CNTNAP2: variants seen among roughly 807,000 people sequenced by gnomAD.
The protein encoded by CNTNAP2 is contactin associated protein 2.
In CNTNAP2, 98 loss-of-function variants were observed where a neutral mutation model predicts 155.2. The ratio of observed to expected loss-of-function variants is 0.63; its 90% CI spans 0.54 to 0.75. CNTNAP2 has a LOEUF of 0.75. CNTNAP2 is among the 30% of genes least tolerant of loss of function. The pLI is 0.00. For synonymous variants in CNTNAP2, 651 were observed against 631.2 expected (o/e 1.03, Z -0.47); for missense variants, 1,727 against 1,688.1 (o/e 1.02, Z -0.40).
At chr7:146,930,293 T>C (rs902182858) in intron 3 of CNTNAP2, among the ~76,000 whole-genome samples, 1 of 152,062 alleles carries the variant, frequency 6.6e-6, no homozygotes, top group South Asian at 2.1e-4. Flanking sequence ...GCAACATTCA[T>C]AAAGAAAAGA....
At chr7:146,890,620 C>T (rs1484521636) in intron 3 of CNTNAP2, among the ~76,000 whole-genome samples, 2 of 152,130 alleles carry the variant, frequency 1.3e-5, no homozygotes, top group Middle Eastern at 3.2e-3. Flanking sequence ...TTTTGATGAT[C>T]ATGAGCTAAA....
chr7:147,836,260 T>C (rs1340194045), intron 13 of CNTNAP2, among the ~76,000 whole-genome samples: 1 of 152,170 alleles, frequency 6.6e-6, no homozygotes, highest in East Asian at 1.9e-4. Flanking sequence ...CCCTAAATGT[T>C]TTTTAGCCTA....
chr7:147,515,947 TATACTG>T (rs1208866901), intron 11 of CNTNAP2, among the ~76,000 whole-genome samples: 2 of 151,982 alleles, frequency 1.3e-5, no homozygotes, highest in Non-Finnish European at 2.9e-5. Flanking sequence ...TATGGTATGA[TATACTG>T]ATACTGAAAT....
intron 21 of CNTNAP2, among the ~76,000 whole-genome samples, chr7:148,300,740 T>G (rs1381609872): frequency 2.0e-5 from 3 of 152,096 alleles, no homozygotes; most frequent in Non-Finnish European, 4.4e-5. Flanking sequence ...ACCTTAACAT[T>G]GTGTTAAGGG....
chr7:147,246,338 C>T (rs1804068106), intron 8 of CNTNAP2, among the ~76,000 whole-genome samples: 1 of 152,042 alleles, frequency 6.6e-6, no homozygotes, highest in Non-Finnish European at 1.5e-5. Flanking sequence ...GAACTCTCCT[C>T]CCTCTACCCT....
chr7:148,229,172 G>A (rs973304955), intron 19 of CNTNAP2, among the ~76,000 whole-genome samples: 1 of 152,208 alleles, frequency 6.6e-6, no homozygotes. Flanking sequence ...CTCTGAGCTC[G>A]TGAATCCAAA....
At chr7:146,906,385 C>T (rs892156475) in intron 3 of CNTNAP2, among the ~76,000 whole-genome samples, 3 of 152,150 alleles carry the variant, frequency 2.0e-5, no homozygotes, top group African/African-American at 4.8e-5. Context: ...GTAACCTCTG[C>T]AGACTTAAAT....
At chr7:146,884,401 A>G (rs558700104) in intron 3 of CNTNAP2, among the ~76,000 whole-genome samples, 1 of 152,276 alleles carries the variant, frequency 6.6e-6, no homozygotes, top group African/African-American at 2.4e-5. Context: ...GCAATGGAAT[A>G]GTGGAAAGAG....
At chr7:146,151,657 T>A (rs1473688412) in intron 1 of CNTNAP2, among the ~76,000 whole-genome samples, 4 of 35,390 alleles carry the variant, frequency 1.1e-4, no homozygotes, top group African/African-American at 4.6e-4. Context: ...TATATATATA[T>A]ATATATATAT....
chr7:146,731,722 A>G (rs1441090148), intron 1 of CNTNAP2, among the ~76,000 whole-genome samples: 1 of 152,144 alleles, frequency 6.6e-6, no homozygotes, highest in African/African-American at 2.4e-5. Context: ...TAACGTATAA[A>G]ATTATTTGTG....
chr7:146,354,254 T>A (rs1164692370), intron 1 of CNTNAP2, among the ~76,000 whole-genome samples: 1 of 152,188 alleles, frequency 6.6e-6, no homozygotes, highest in Non-Finnish European at 1.5e-5. Flanking sequence ...ACAGACATCC[T>A]GTTGCGTGGT....
At chr7:147,695,653 A>T (rs1193594707) in intron 13 of CNTNAP2, among the ~76,000 whole-genome samples, 1 of 152,020 alleles carries the variant, frequency 6.6e-6, no homozygotes, top group African/African-American at 2.4e-5. Flanking sequence ...AATACAAAAA[A>T]TAGCTAGGCT....
chr7:148,152,041 G>C (rs1805306369), intron 17 of CNTNAP2, among the ~76,000 whole-genome samples: 1 of 152,140 alleles, frequency 6.6e-6, no homozygotes, highest in Non-Finnish European at 1.5e-5. Flanking sequence ...ACTGCAAATA[G>C]TTCTTGGCTT....
chr7:146,141,285 C>A (rs1207802808), intron 1 of CNTNAP2, among the ~76,000 whole-genome samples: 2 of 152,128 alleles, frequency 1.3e-5, no homozygotes, highest in African/African-American at 4.8e-5. Context: ...ATTATGTCTT[C>A]TAATGTGGTG....
In CNTNAP2 at chr7:148,413,402, ATATATATATATATATAT is replaced by A. The variant is rs1266836148; in HGVS notation, c.3797-2014_3797-1998del. Among the ~76,000 whole-genome samples, 7 of 39,480 alleles carry A rather than the reference ATATATATATATATATAT, an allele frequency of 1.8e-4. 1 individual carries two copies. The highest frequency in any genetic ancestry group is 2.3e-4 in the Non-Finnish European group (5 of 21,516). 25.9% of individuals were successfully genotyped at this position (39,480 alleles called of 152,430 possible). A position where few individuals can be genotyped will look rare whatever the true frequency, so the allele number is the denominator to read the frequency against. ...AGTGAAACTCCGTCTCAAAAAAAAA[ATATATATATATATATAT>A]ATATATATATATATATATATATATA... is the stretch of plus-strand genomic sequence containing the variant. On this transcript the variant is annotated intron_variant, in intron 23 of 23. Coordinates refer to ENST00000361727, the MANE Select transcript of CNTNAP2 (RefSeq NM_014141.6).
At chr7:148,333,188 G>A (rs1407863868) in intron 21 of CNTNAP2, among the ~76,000 whole-genome samples, 1 of 152,146 alleles carries the variant, frequency 6.6e-6, no homozygotes, top group South Asian at 2.1e-4. Context: ...AACACTTTGG[G>A]AGGACAAGGT....
chr7:147,022,153 G>A (rs1798828805), intron 3 of CNTNAP2, among the ~76,000 whole-genome samples: 1 of 151,992 alleles, frequency 6.6e-6, no homozygotes, highest in African/African-American at 2.4e-5. Flanking sequence ...GTATCTCATA[G>A]AAACACTGAT....
intron 21 of CNTNAP2, among the ~76,000 whole-genome samples, chr7:148,346,139 T>TCCTGGGGTC (rs560528579): frequency 2.6e-5 from 4 of 152,152 alleles, no homozygotes; most frequent in Non-Finnish European, 4.4e-5. Flanking sequence ...CGTGCTCTGA[T>TCCTGGGGTC]CCTGGGGTCC....
At chr7:146,375,314 A>T (rs1324911659) in intron 1 of CNTNAP2, among the ~76,000 whole-genome samples, 1 of 152,222 alleles carries the variant, frequency 6.6e-6, no homozygotes, top group Non-Finnish European at 1.5e-5. Context: ...CTCCAGCCAG[A>T]ATAAACCTCT....
Sources: gnomAD v4.1 joint callset for allele counts (sites outside exome capture counted in the v4.1 genomes callset) on GRCh38, gnomAD v4.1.1 for gene constraint, MANE v1.5 for transcripts, NCBI Gene and HGNC (gene_info 2026-07-23, HGNC 2026-07-21) for gene names.